The following IL1RAPL1 variants were observed in gnomAD, a reference collection of about 807,000 sequenced individuals.
The protein encoded by IL1RAPL1 is interleukin-1 receptor accessory protein-like 1.
IL1RAPL1 carries 3 observed loss-of-function variants against 48.4 expected under a neutral mutation model. That is an observed-to-expected ratio of 0.06 (90% CI 0.03 to 0.16). The LOEUF (loss-of-function observed/expected upper bound fraction) is 0.16, where lower values mean the gene tolerates loss of function less well. IL1RAPL1 is among the 10% of genes least tolerant of loss of function. The probability of loss-of-function intolerance (pLI) is 1.00; values close to 1 mark genes in which losing one functional copy is unlikely to be tolerated. For synonymous variants in IL1RAPL1, 185 were observed against 187.7 expected (o/e 0.99, Z 0.12); for missense variants, 349 against 530.6 (o/e 0.66, Z 3.36).
At chrX:29,783,614 G>A (rs183013742) in intron 6 of IL1RAPL1, among the ~76,000 whole-genome samples, 100 of 111,797 alleles carry the variant, frequency 8.9e-4, no homozygotes, top group African/African-American at 3.1e-3. Flanking sequence ...AGTATTTTCC[G>A]CAGCATGGAT....
At chrX:28,983,411 C>T (rs1925389654) in intron 2 of IL1RAPL1, among the ~76,000 whole-genome samples, 1 of 112,000 alleles carries the variant, frequency 8.9e-6, no homozygotes, top group South Asian at 3.7e-4. Flanking sequence ...ATCATTGCCT[C>T]TTTCTACTTT....
chrX:28,748,342 C>T (rs1392763115), intron 1 of IL1RAPL1, among the ~76,000 whole-genome samples: 1 of 111,355 alleles, frequency 9.0e-6, no homozygotes, highest in Non-Finnish European at 1.9e-5. Context: ...GAAGTAGCAC[C>T]TTATTTCTCT....
intron 6 of IL1RAPL1, among the ~76,000 whole-genome samples, chrX:29,890,758 T>G (rs148295389): frequency 0.012 from 1,344 of 111,815 alleles, 20 homozygotes; most frequent in African/African-American, 0.041. Flanking sequence ...TCTACCTGCC[T>G]TTTAGTGTCT....
intron 2 of IL1RAPL1, among the ~76,000 whole-genome samples, chrX:29,152,442 G>A (rs28685237): frequency 9.0e-6 from 1 of 111,435 alleles, no homozygotes; most frequent in Admixed American, 9.6e-5. Context: ...ATTGTTTTCA[G>A]TCTTACCCTA....
chrX:29,009,203 T>C (rs902965632), intron 2 of IL1RAPL1, among the ~76,000 whole-genome samples: 3 of 110,590 alleles, frequency 2.7e-5, no homozygotes, highest in African/African-American at 9.9e-5. Flanking sequence ...CTTGAGGGGG[T>C]AGGGTGGTAG....
At chrX:28,627,858 C>A (rs1289628325) in intron 1 of IL1RAPL1, among the ~76,000 whole-genome samples, 6 of 110,123 alleles carry the variant, frequency 5.4e-5, no homozygotes, top group Non-Finnish European at 1.1e-4. Flanking sequence ...ACATCATTTT[C>A]TTTCTTTTTT....
rs753898806 is a variant in IL1RAPL1 at position 29,519,889 on chromosome X, C to T, written c.703+120581C>T. Among the ~76,000 whole-genome samples, 3 of 111,714 alleles carry T rather than the reference C, an allele frequency of 2.7e-5. No homozygotes were observed. The South Asian group carries it at 1.1e-3, about 42-fold the overall frequency. On this transcript the variant is annotated intron_variant, in intron 5 of 10. Transcript: ENST00000378993. ...CGGTTGCTCACAGCAGTAACCTGTT[C>T]ATTAATACCATTTATTGGCTTTTCA...
Position 29,220,317 on chromosome X carries a change from A to G in IL1RAPL1, c.83-62621A>G, listed in dbSNP as rs1356446892. On this transcript the variant is annotated intron_variant, in intron 2 of 10. Transcript: ENST00000378993. ...TAAAAATGTTCTTGAAGTAAAAGATATTTACATGTCTAACATATCTAAATA... is the reference window on the plus strand; with the variant it reads ...TAAAAATGTTCTTGAAGTAAAAGATGTTTACATGTCTAACATATCTAAATA... 1.2e-4 allele frequency among the ~76,000 whole-genome samples: 13 copies of G among 112,663 alleles called. No individual in the cohort carries two copies. In the Admixed American group the frequency reaches 1.2e-3, roughly 11 times the overall value.
At chrX:29,316,093 TGTG>T (rs1336746188) in intron 3 of IL1RAPL1, among the ~76,000 whole-genome samples, 2 of 112,295 alleles carry the variant, frequency 1.8e-5, no homozygotes, top group Non-Finnish European at 3.8e-5. Context: ...GGCACAACTG[TGTG>T]GTGCCTCACT....
At chrX:29,547,681 G>A (rs185973329) in intron 5 of IL1RAPL1, among the ~76,000 whole-genome samples, 161 of 111,696 alleles carry the variant, frequency 1.4e-3, no homozygotes, top group African/African-American at 4.9e-3. Context: ...AAAGGGTTCC[G>A]TGCTTTCTTA....
intron 2 of IL1RAPL1, among the ~76,000 whole-genome samples, chrX:28,985,017 A>G: frequency 9.0e-6 from 1 of 111,543 alleles, no homozygotes; most frequent in Non-Finnish European, 1.9e-5. Context: ...ATAAATATAA[A>G]CTGGGTATGA....
intron 2 of IL1RAPL1, among the ~76,000 whole-genome samples, chrX:29,144,730 CTTTT>C (rs752844858): frequency 1.1e-5 from 1 of 94,153 alleles, no homozygotes. Context: ...TGTTGATCTT[CTTTT>C]TTTTTTTTTT....
chrX:29,606,744 A>G (rs1009554553), intron 5 of IL1RAPL1, among the ~76,000 whole-genome samples: 2 of 109,908 alleles, frequency 1.8e-5, no homozygotes, highest in African/African-American at 6.6e-5. Context: ...CTGTATTCCA[A>G]CCAGTGGTAC....
chrX:29,066,981 T>A (rs1478006576), intron 2 of IL1RAPL1, among the ~76,000 whole-genome samples: 1 of 111,805 alleles, frequency 8.9e-6, no homozygotes, highest in Admixed American at 9.5e-5. Context: ...AGGAAGGATG[T>A]AGACCATGTG....
At chrX:29,182,563 C>T (rs1439515556) in intron 2 of IL1RAPL1, among the ~76,000 whole-genome samples, 1 of 100,564 alleles carries the variant, frequency 9.9e-6, no homozygotes, top group East Asian at 3.0e-4. Flanking sequence ...AAATTACACG[C>T]TCATGTACTT....
chrX:29,331,710 C>T (rs1287136717), intron 3 of IL1RAPL1, among the ~76,000 whole-genome samples: 1 of 111,768 alleles, frequency 8.9e-6, no homozygotes. Context: ...TGTATATATT[C>T]TTTTTTTGTC....
chrX:29,144,551 C>T (rs1267901473), intron 2 of IL1RAPL1, among the ~76,000 whole-genome samples: 1 of 89,053 alleles, frequency 1.1e-5, no homozygotes, highest in African/African-American at 4.4e-5. Context: ...TGCAGTGAGC[C>T]GAGATCACAC....
rs185496523 is a variant in IL1RAPL1 at position 29,581,978 on chromosome X, G to A, written c.704-86452G>A. 2.4e-3 allele frequency among the ~76,000 whole-genome samples: 272 copies of A among 111,764 alleles called. 3 individuals are homozygous for A. Among genetic ancestry groups the A allele is most frequent in the African/African-American group, 8.4e-3 (259 of 30,783 alleles). On this transcript the variant is annotated intron_variant, in intron 5 of 10. Coordinates refer to ENST00000378993, the MANE Select transcript of IL1RAPL1 (RefSeq NM_014271.4). ...TTTTAGGGTTGGTCTTGCAAAATGG[G>A]TAGTTAGTTGAGGCTTGGGCTGAGT...
intron 2 of IL1RAPL1, among the ~76,000 whole-genome samples, chrX:28,834,017 G>A (rs901564248): frequency 1.8e-5 from 2 of 112,003 alleles, no homozygotes; most frequent in Admixed American, 1.9e-4. Context: ...TTGAGGTGAA[G>A]TTTTCTTGTA....
Sources: gnomAD v4.1 joint callset for allele counts (sites outside exome capture counted in the v4.1 genomes callset) on GRCh38, gnomAD v4.1.1 for gene constraint, MANE v1.5 for transcripts, NCBI Gene and HGNC (gene_info 2026-07-23, HGNC 2026-07-21) for gene names.